The following RDX variants were observed in gnomAD, a reference collection of about 807,000 sequenced individuals.
RDX encodes the protein radixin.
RDX carries 32 observed loss-of-function variants against 83.7 expected under a neutral mutation model. That is an observed-to-expected ratio of 0.38 (90% CI 0.29 to 0.51). The LOEUF (loss-of-function observed/expected upper bound fraction) is 0.51, where lower values mean the gene tolerates loss of function less well. Ranked by LOEUF, RDX falls within the 20% of genes least tolerant of loss-of-function variation. The pLI, the probability that RDX is intolerant of heterozygous loss-of-function variation, is 0.87. For synonymous variants in RDX, 229 were observed against 222.7 expected, an observed-to-expected ratio of 1.03 and a Z score of -0.25; for missense variants, 600 against 689.9, an observed-to-expected ratio of 0.87 and a Z score of 1.46.
chr11:110,249,546 CG>C (rs1859244434), intron 9 of RDX, among the ~76,000 whole-genome samples: 1 of 152,080 alleles, frequency 6.6e-6, no homozygotes, highest in African/African-American at 2.4e-5. Context: ...TAAAACATAA[CG>C]GGTCACCACA....
rs772892808 is a variant in RDX, at chr11:110,258,172, T to C, written c.485A>G (p.Lys162Arg). The change falls in exon 6 of 14, where the codon AAA becomes AGA. Residue 162 changes from lysine (K) to arginine (R), a missense_variant. By Grantham distance (26) the Lys-to-Arg change is conservative. Transcript: ENST00000645495. ...LLPQRVLEQH[K>R]LTKEQWEERI... ...TTCTTCCCACTGTTCTTTTGTTAGT[T>C]TGTGTTGTTCCAATACACTAAGAGG... 1.2e-6 allele frequency: 2 copies of C among 1,610,888 alleles called. No homozygotes were observed. The highest frequency in any genetic ancestry group is 1.7e-6 in the Non-Finnish European group (2 of 1,178,242).
intron 14 of RDX, among the ~76,000 whole-genome samples, chr11:110,208,160 A>C (rs1327023872): frequency 6.6e-6 from 1 of 152,144 alleles, no homozygotes; most frequent in East Asian, 1.9e-4. Context: ...AATAACCCAC[A>C]CAGAGCATCT....
intron 14 of RDX, among the ~76,000 whole-genome samples, chr11:110,223,388 G>C (rs1331477924): frequency 6.6e-6 from 1 of 151,904 alleles, no homozygotes; most frequent in African/African-American, 2.4e-5. Context: ...AATTAGCCAG[G>C]CATGGTGGCA....
At chr11:110,272,650 G>C in intron 2 of RDX, 31 bp from the exon 3 acceptor site, 1 of 1,446,562 alleles carries the variant, frequency 6.9e-7, no homozygotes, top group Non-Finnish European at 9.7e-7. Context: ...ATAATAAGTA[G>C]AAGAGAAGTT....
chr11:110,231,713 T>A lies in RDX; in HGVS notation c.*156A>T, dbSNP rs186249296. 1.2e-6 allele frequency: 1 copy of A among 800,986 alleles called. No homozygotes were observed. The highest frequency in any genetic ancestry group is 1.4e-5 in the South Asian group (1 of 71,904). The allele number at this position is 800,986 out of a possible 1,614,324, so 49.6% of individuals were successfully genotyped here. A position where few individuals can be genotyped will look rare whatever the true frequency, so the allele number is the denominator to read the frequency against. Reference sequence around the variant, plus strand: ...AGCATGATATCATACTGCCTTAATGTTGAAGAGCTCCCCTTAAATTTGTCT... The same window carrying A: ...AGCATGATATCATACTGCCTTAATGATGAAGAGCTCCCCTTAAATTTGTCT... On this transcript the variant is annotated 3_prime_UTR_variant, in exon 14 of 14. Coordinates refer to ENST00000645495, the MANE Select transcript of RDX (RefSeq NM_002906.4).
At position 110,263,004 on chromosome 11, in the gene RDX, G is replaced by A. The variant is rs144184879; in HGVS notation, c.467+956C>T. On this transcript the variant is annotated intron_variant, in intron 5 of 13. Coordinates refer to ENST00000645495, the MANE Select transcript of RDX (RefSeq NM_002906.4). ...AAGTCAGAAAATTCAGCCAGGAGCA[G>A]TGGCTCACGCCTGTAATCCCAGCAC... Among the ~76,000 whole-genome samples, 1,430 of 152,312 alleles carry A rather than the reference G, an allele frequency of 9.4e-3. 31 individuals are homozygous for A. The highest frequency in any genetic ancestry group is 0.033 in the African/African-American group (1,360 of 41,554).
At chr11:110,279,835 A>C in intron 1 of RDX, 79 bp from the exon 2 acceptor site, 1 of 588,092 alleles carries the variant, frequency 1.7e-6, no homozygotes, top group East Asian at 2.9e-5. Flanking sequence ...GTAAGATATA[A>C]ATTAAAATAT....
chr11:110,260,138 C>T (rs1258117302), intron 5 of RDX, among the ~76,000 whole-genome samples: 4 of 151,988 alleles, frequency 2.6e-5, no homozygotes, highest in Non-Finnish European at 5.9e-5. Flanking sequence ...AGGCATGCAC[C>T]ACCACGCCCG....
chr11:110,246,749 C>CAAA (rs58535261), intron 10 of RDX, among the ~76,000 whole-genome samples: 12 of 139,826 alleles, frequency 8.6e-5, no homozygotes, highest in South Asian at 2.3e-4. Flanking sequence ...GACTGTGTCT[C>CAAA]AAAAAAAAAA....
At chr11:110,193,766 T>C (rs1300176090) in intron 15 of RDX, among the ~76,000 whole-genome samples, 1 of 152,186 alleles carries the variant, frequency 6.6e-6, no homozygotes. Flanking sequence ...TACTAATTAG[T>C]GGCAGAGCCG....
chr11:110,278,785 A>G (rs1453925318), intron 2 of RDX, among the ~76,000 whole-genome samples: 3 of 151,918 alleles, frequency 2.0e-5, no homozygotes, highest in African/African-American at 7.2e-5. Context: ...CTGAAGTGTT[A>G]TCCGTGCTAG....
intron 5 of RDX, among the ~76,000 whole-genome samples, chr11:110,259,028 T>C (rs1327666400): frequency 6.6e-6 from 1 of 152,122 alleles, no homozygotes; most frequent in African/African-American, 2.4e-5. Flanking sequence ...TGTGCCACGA[T>C]GCTCTCGGCC....
chr11:110,278,900 C>A (rs1860633905), intron 2 of RDX, among the ~76,000 whole-genome samples: 1 of 148,218 alleles, frequency 6.7e-6, no homozygotes, highest in Admixed American at 6.7e-5. Context: ...AAGAAAAGAA[C>A]ATTTACACCT....
intron 14 of RDX, among the ~76,000 whole-genome samples, chr11:110,207,059 A>G (rs1187005752): frequency 6.6e-6 from 1 of 151,924 alleles, no homozygotes; most frequent in African/African-American, 2.4e-5. Context: ...TGTAACCTCC[A>G]CCTCCTGAGG....
At chr11:110,233,844 T>C (rs565000657) in intron 12 of RDX, among the ~76,000 whole-genome samples, 25 of 152,290 alleles carry the variant, frequency 1.6e-4, no homozygotes, top group African/African-American at 5.1e-4. Flanking sequence ...TCACACCCAA[T>C]AGATTTTATT....
rs142475062 is a variant in RDX, at chr11:110,180,714, G to A, written c.*32-5480C>T. ...CCCCCATGCTGGAGTGCAGTGGTGC[G>A]ATCTCGGCTAACTGCAACCTCCACA... On this transcript the variant is annotated intron_variant, in intron 15 of 15. Coordinates refer to the RDX transcript ENST00000528498. 1.5e-3 allele frequency among the ~76,000 whole-genome samples: 233 copies of A among 150,974 alleles called. 1 individual carries two copies. The highest frequency in any genetic ancestry group is 5.3e-3 in the African/African-American group (219 of 41,030).
chr11:110,276,062 A>G (rs115195315), intron 2 of RDX, among the ~76,000 whole-genome samples: 426 of 152,286 alleles, frequency 2.8e-3, no homozygotes, highest in African/African-American at 1.0e-2. Context: ...TTGAGATTAC[A>G]GGAATCAGTC....
chr11:110,286,547 T>C (rs951160501), intron 1 of RDX, among the ~76,000 whole-genome samples: 1 of 152,246 alleles, frequency 6.6e-6, no homozygotes, highest in Non-Finnish European at 1.5e-5. Context: ...GTCTAGTCCA[T>C]GCAGTGCCTG....
At chr11:110,233,823 G>A (rs779218832) in intron 12 of RDX, among the ~76,000 whole-genome samples, 2 of 152,158 alleles carry the variant, frequency 1.3e-5, no homozygotes, top group Non-Finnish European at 2.9e-5. Context: ...TTCATATAAT[G>A]CCTAAGAATC....
Sources: gnomAD v4.1 joint callset for allele counts (sites outside exome capture counted in the v4.1 genomes callset) on GRCh38, gnomAD v4.1.1 for gene constraint, MANE v1.5 for transcripts, NCBI Gene and HGNC (gene_info 2026-07-23, HGNC 2026-07-21) for gene names.